The following GLI4 variants were observed in gnomAD, a reference collection of about 807,000 sequenced individuals.
The protein encoded by GLI4 is zinc finger protein GLI4.
Under a neutral mutation model 30.9 loss-of-function variants are expected in GLI4, and 34 were observed. The ratio of observed to expected loss-of-function variants is 1.10; its 90% CI spans 0.84 to 1.47. The LOEUF is 1.47. Among genes scored for constraint, GLI4 ranks in the 40% most tolerant of loss-of-function variants. GLI4 has a pLI of 0.00. For synonymous variants in GLI4, 277 were observed against 236.7 expected, an observed-to-expected ratio of 1.17 and a Z score of -1.56; for missense variants, 696 against 538.9, an observed-to-expected ratio of 1.29 and a Z score of -2.89.
Position 143,269,514 on chromosome 8 carries a change from C to T in GLI4, c.118C>T (p.Gln40Ter). The T allele has an allele frequency of 1.2e-6, 2 of 1,611,988 alleles. No homozygotes were observed. The highest frequency in any genetic ancestry group is 1.1e-5 in the South Asian group (1 of 91,056). ...GCCTCAGCTTCACCTCCATGGGCAT[C>T]AACATGGTACTCACCCAGCCCGCTG... ...HEPQLHLHGH[Q>*]HGSPGSSPKV... Residue 40 changes from glutamine to a stop codon, truncating the protein, a stop_gained, in exon 2 of 4, where the codon CAA becomes TAA. Coordinates refer to ENST00000340042, the MANE Select transcript of GLI4 (RefSeq NM_138465.4). LOFTEE classifies it high-confidence loss of function.
Position 143,276,694 on chromosome 8 carries a change from C to A in GLI4, c.1021C>A (p.His341Asn). ...CCGCGGCCGCTCGCACTTCTTCCGG[C>A]ACCTGCGGACCCACACGGGCGAGAA... The part of the protein sequence containing the change: ...AFRGRSHFFR[H>N]LRTHTGEKPF... Residue 341 changes from histidine to asparagine, a missense_variant, in exon 4 of 4, where the codon CAC becomes AAC. Physicochemically the swap from His to Asn is moderately conservative, Grantham distance 68. Coordinates refer to ENST00000340042, the MANE Select transcript of GLI4 (RefSeq NM_138465.4). 1.2e-6 allele frequency: 2 copies of A among 1,611,464 alleles called. No homozygotes were observed. Among genetic ancestry groups the A allele is most frequent in the Non-Finnish European group, 1.7e-6 (2 of 1,179,316 alleles).
At position 143,276,007 on chromosome 8, in the gene GLI4, C is replaced by A; in HGVS notation, c.334C>A (p.Arg112=). ...SLLRSLPRRA[R]CSAGFGPESS... is the part of the protein sequence containing the mutation. ...CCTGAGGAGCCTTCCCCGCAGGGCC[C>A]GGTGCAGCGCCGGCTTCGGGCCTGA... The change falls in exon 4 of 4, where the codon CGG becomes AGG. Residue 112 remains arginine, a synonymous_variant. Transcript: ENST00000340042. The A allele has an allele frequency of 3.5e-6, 5 of 1,408,508 alleles. No individual in the cohort carries two copies. The highest frequency in any genetic ancestry group is 4.6e-6 in the Non-Finnish European group (5 of 1,083,670). The allele number at this position is 1,408,508 out of a possible 1,614,324, so 87.3% of individuals were successfully genotyped here.
chr8:143,275,488 A>G, intron 3 of GLI4: 1 of 1,318,310 alleles, frequency 7.6e-7, no homozygotes, highest in South Asian at 2.4e-5. Flanking sequence ...AGCTGTGCCC[A>G]TATGGACCAC....
intron 1 of GLI4, 141 bp from the exon 2 acceptor site, chr8:143,269,219 G>A: frequency 1.5e-6 from 1 of 682,648 alleles, no homozygotes; most frequent in Non-Finnish European, 2.6e-6. Context: ...TGTCTCTGTG[G>A]GTTCATCCTC....
intron 2 of GLI4, among the ~76,000 whole-genome samples, chr8:143,271,543 C>T (rs1243324129): frequency 6.6e-6 from 1 of 152,192 alleles, no homozygotes; most frequent in Non-Finnish European, 1.5e-5. Flanking sequence ...TTGCCCAGGG[C>T]CATCCTGCCA....
chr8:143,276,623 A>G lies in GLI4; in HGVS notation c.950A>G (p.His317Arg). 1.9e-6 allele frequency: 3 copies of G among 1,612,644 alleles called. No homozygotes were observed. The highest frequency in any genetic ancestry group is 1.7e-6 in the Non-Finnish European group (2 of 1,179,780). Reference sequence around the variant, plus strand: ...GTGCTCATCGAGCACCAGCGCATCCACACTGGCGAGAAGCCCTACGAGTGC... The same window carrying G: ...GTGCTCATCGAGCACCAGCGCATCCGCACTGGCGAGAAGCCCTACGAGTGC... Reference protein sequence around the residue: ...SSVLIEHQRIHTGEKPYECSD... With the variant: ...SSVLIEHQRIRTGEKPYECSD... Residue 317 changes from histidine (H) to arginine (R), a missense_variant, in exon 4 of 4, where the codon CAC (histidine) becomes CGC (arginine). Coordinates refer to ENST00000340042, the MANE Select transcript of GLI4 (RefSeq NM_138465.4).
chr8:143,270,182 G>A (rs1815234394), intron 2 of GLI4, among the ~76,000 whole-genome samples: 1 of 152,266 alleles, frequency 6.6e-6, no homozygotes, highest in Non-Finnish European at 1.5e-5. Flanking sequence ...TATAGGTCAA[G>A]CCTGGAGAGC....
chr8:143,275,804 C>A, intron 3 of GLI4, 93 bp from the exon 4 acceptor site: 1 of 1,247,278 alleles, frequency 8.0e-7, no homozygotes, highest in Non-Finnish European at 1.0e-6. Flanking sequence ...CTAAGCCCCC[C>A]CGTCCAGCTC....
At chr8:143,275,873 C>T (rs746401665) in intron 3 of GLI4, 24 bp from the exon 4 acceptor site, 43 of 1,269,490 alleles carry the variant, frequency 3.4e-5, no homozygotes, top group Admixed American at 8.3e-5. Flanking sequence ...GGGTACTATC[C>T]GCCTCTGCCG....
intron 3 of GLI4, chr8:143,275,169 TC>T (rs1266997098): frequency 1.3e-6 from 2 of 1,535,656 alleles, no homozygotes; most frequent in Non-Finnish European, 1.7e-6. Flanking sequence ...TTATCCTGTG[TC>T]CCCTCCTCCT....
At chr8:143,269,265 C>T in intron 1 of GLI4, 95 bp from the exon 2 acceptor site, 1 of 892,628 alleles carries the variant, frequency 1.1e-6, no homozygotes, top group African/African-American at 1.7e-5. Flanking sequence ...AAACCTCCAT[C>T]TCCCCTTGGA....
chr8:143,272,987 C>T (rs1481991794), intron 2 of GLI4: 1 of 152,246 alleles, frequency 6.6e-6, no homozygotes, highest in Non-Finnish European at 1.5e-5. Context: ...TTGGTAATGT[C>T]ACTGGCCCTC....
Position 143,276,413 on chromosome 8 carries a change from C to T in GLI4, c.740C>T (p.Ala247Val). Reference protein sequence around the residue: ...KPYECGQCGRAFSHSSHFTQH... With the variant: ...KPYECGQCGRVFSHSSHFTQH... Reference sequence around the variant, plus strand: ...TACGAGTGCGGCCAGTGCGGCCGCGCCTTCAGCCACAGCTCGCACTTCACG... The same window carrying T: ...TACGAGTGCGGCCAGTGCGGCCGCGTCTTCAGCCACAGCTCGCACTTCACG... Residue 247 changes from alanine (A) to valine (V), a missense_variant, in exon 4 of 4, where the codon GCC becomes GTC. Transcript: ENST00000340042. The T allele has an allele frequency of 6.2e-7, 1 of 1,612,492 alleles. No homozygotes were observed. The highest frequency in any genetic ancestry group is 1.1e-5 in the South Asian group (1 of 91,040).
At chr8:143,275,811 GC>G (rs1279740143) in intron 3 of GLI4, 85 bp from the exon 4 acceptor site, 1 of 1,250,634 alleles carries the variant, frequency 8.0e-7, no homozygotes, top group Non-Finnish European at 1.0e-6. Flanking sequence ...CCCCCGTCCA[GC>G]TCTGCTCTCA....
chr8:143,272,687 C>T (rs1424461429), intron 2 of GLI4, among the ~76,000 whole-genome samples: 2 of 152,204 alleles, frequency 1.3e-5, no homozygotes, highest in African/African-American at 4.8e-5. Context: ...CTGAGCTCTG[C>T]AGAAATGGCC....
At position 143,276,755 on chromosome 8, in the gene GLI4, G is replaced by A; in HGVS notation, c.1082G>A (p.Gly361Asp). 1 of 1,604,878 alleles carries A rather than the reference G, an allele frequency of 6.2e-7. No individual in the cohort carries two copies. Among genetic ancestry groups the A allele is most frequent in the South Asian group, 1.1e-5 (1 of 90,460 alleles). Residue 361 changes from glycine to aspartate, a missense_variant, in exon 4 of 4, where the codon GGC (glycine) becomes GAC (aspartate). Coordinates refer to ENST00000340042, the MANE Select transcript of GLI4 (RefSeq NM_138465.4). ...TGTGGCGCCTGCGGCAAGGCCTTCGGCCAGAGCTCCCAGCTCATCCAGCAC... is the reference window on the plus strand; with the variant it reads ...TGTGGCGCCTGCGGCAAGGCCTTCGACCAGAGCTCCCAGCTCATCCAGCAC... ...FACGACGKAF[G>D]QSSQLIQHQR...
chr8:143,276,365 GCATC>G lies in GLI4; in HGVS notation c.695_698del (p.Ile232ThrfsTer184), dbSNP rs750045535. On this transcript the variant is annotated frameshift_variant, in exon 4 of 4. Coordinates refer to ENST00000340042, the MANE Select transcript of GLI4 (RefSeq NM_138465.4). LOFTEE classifies it high-confidence loss of function. The stretch of plus-strand genomic sequence containing the variant: ...TGGTCGGGCTTCATCCAGCACCACC[GCATC>G]CACACGGGCGAGAAGCCCTACGAGT... 1.2e-5 allele frequency: 19 copies of G among 1,611,354 alleles called. No individual in the cohort carries two copies. Among genetic ancestry groups the G allele is most frequent in the South Asian group, 5.5e-5 (5 of 90,984 alleles).
intron 3 of GLI4, chr8:143,275,299 T>G: frequency 6.8e-7 from 1 of 1,479,474 alleles, no homozygotes; most frequent in Non-Finnish European, 9.0e-7. Context: ...TATGGCTGGA[T>G]TTAACAGTGC....
Position 143,269,419 on chromosome 8 carries a change from A to G in GLI4, c.23A>G (p.Gln8Arg). 1 of 1,604,108 alleles carries G rather than the reference A, an allele frequency of 6.2e-7. No homozygotes were observed. Among genetic ancestry groups the G allele is most frequent in the Non-Finnish European group, 8.5e-7 (1 of 1,171,364 alleles). MAALGDI[Q>R]ESPSVPSPVS... ...AAGATGGCAGCCCTAGGGGACATTC[A>G]GGAGTCCCCTTCTGTCCCGTCCCCT... Residue 8 changes from glutamine to arginine, a missense_variant, in exon 2 of 4, where the codon CAG becomes CGG. Gln to Arg is a conservative substitution (Grantham distance 43). Transcript: ENST00000340042.
Sources: gnomAD v4.1 joint callset for allele counts (sites outside exome capture counted in the v4.1 genomes callset) on GRCh38, gnomAD v4.1.1 for gene constraint, MANE v1.5 for transcripts, NCBI Gene and HGNC (gene_info 2026-07-23, HGNC 2026-07-21) for gene names.